Variants in PEX1 observed in about 807,000 individuals in gnomAD.
The protein encoded by PEX1 is peroxisomal ATPase PEX1.
PEX1 carries 97 observed loss-of-function variants against 152.5 expected under a neutral mutation model. The ratio of observed to expected loss-of-function variants is 0.64; its 90% CI spans 0.54 to 0.75. PEX1 has a LOEUF of 0.75. PEX1 is among the 30% of genes least tolerant of loss of function. PEX1 has a pLI of 0.00. For missense variants in PEX1, 1,357 were observed against 1,516.3 expected, an observed-to-expected ratio of 0.89 and a Z score of 1.74; for synonymous variants, 485 against 531.6, an observed-to-expected ratio of 0.91 and a Z score of 1.21.
intron 6 of PEX1, among the ~76,000 whole-genome samples, chr7:92,512,049 T>C (rs1792494909): frequency 6.6e-6 from 1 of 152,380 alleles, no homozygotes; most frequent in East Asian, 1.9e-4. Flanking sequence ...TCCTTTTTCT[T>C]TGAGACAGAA....
intron 2 of PEX1, among the ~76,000 whole-genome samples, chr7:92,521,507 T>C (rs904064940): frequency 6.6e-6 from 1 of 152,284 alleles, no homozygotes; most frequent in East Asian, 1.9e-4. Flanking sequence ...CAATCTCAGC[T>C]CACTGCAACC....
chr7:92,506,404 T>A, intron 10 of PEX1, 60 bp from the exon 11 acceptor site: 3 of 1,062,606 alleles, frequency 2.8e-6, no homozygotes, highest in Non-Finnish European at 4.4e-6. Flanking sequence ...ATAGTTCCTG[T>A]CATTGTGGCA....
At chr7:92,521,884 ATAG>A (rs1196014763) in intron 2 of PEX1, among the ~76,000 whole-genome samples, 1 of 152,224 alleles carries the variant, frequency 6.6e-6, no homozygotes, top group Non-Finnish European at 1.5e-5. Flanking sequence ...AATGAGTTAA[ATAG>A]TAGAATAAGA....
Position 92,489,437 on chromosome 7 carries a change from A to G in PEX1, c.3637-14T>C, listed in dbSNP as rs745612436. ...GGATTCGTCCTCCTTAAGTAAAAAA[A>G]GAAATTGACGAAGAGTTAAATTAAG... On this transcript the variant is annotated splice_polypyrimidine_tract_variant and intron_variant, in intron 22 of 23. Transcript: ENST00000248633. 7.5e-5 allele frequency: 121 copies of G among 1,610,374 alleles called. No individual in the cohort carries two copies. Among genetic ancestry groups the G allele is most frequent in the South Asian group, 2.5e-4 (23 of 90,806 alleles).
rs1792868421 is a variant in PEX1 at position 92,517,799 on chromosome 7, G to A, written c.716C>T (p.Ser239Leu). ...AGTCCATAAACTTGCTACTGATGATGAGTCAACTGGAATCTCTGACTCGTT... is the reference window on the plus strand; with the variant it reads ...AGTCCATAAACTTGCTACTGATGATAAGTCAACTGGAATCTCTGACTCGTT... ...NENESEIPVDSSSVASLWTMI... is the reference protein window; with the variant it reads ...NENESEIPVDLSSVASLWTMI... The change falls in exon 5 of 24, where the codon TCA becomes TTA. Residue 239 changes from serine (S) to leucine (L), a missense_variant. Transcript: ENST00000248633. 6.4e-7 allele frequency: 1 copy of A among 1,558,374 alleles called. No homozygotes were observed. The highest frequency in any genetic ancestry group is 8.6e-7 in the Non-Finnish European group (1 of 1,156,660).
In PEX1 at chr7:92,526,654, A is replaced by T. The variant is rs184574411; in HGVS notation, c.129+1653T>A. Among the ~76,000 whole-genome samples, 7 of 152,382 alleles carry T rather than the reference A, an allele frequency of 4.6e-5. No individual in the cohort carries two copies. The East Asian group carries it at 1.2e-3, about 25-fold the overall frequency. On this transcript the variant is annotated intron_variant, in intron 1 of 23. Coordinates refer to ENST00000248633, the MANE Select transcript of PEX1 (RefSeq NM_000466.3). Reference sequence around the variant, plus strand: ...ATGGTCAATCATAGTAAACAATTAAATAAATTATGGCAAATTTGTGCTAGA... The same window carrying T: ...ATGGTCAATCATAGTAAACAATTAATTAAATTATGGCAAATTTGTGCTAGA...
chr7:92,520,284 G>A (rs937237030), intron 2 of PEX1, among the ~76,000 whole-genome samples: 1 of 152,154 alleles, frequency 6.6e-6, no homozygotes, highest in Non-Finnish European at 1.5e-5. Flanking sequence ...TCCTTGTATT[G>A]TAGAACAAAG....
intron 11 of PEX1, 104 bp from the exon 12 acceptor site, chr7:92,505,006 T>C: frequency 1.2e-6 from 1 of 830,630 alleles, no homozygotes; most frequent in Non-Finnish European, 2.0e-6. Context: ...GATTTAACTA[T>C]AAAAATTTGA....
chr7:92,508,551 G>A (rs1400302599), intron 9 of PEX1, among the ~76,000 whole-genome samples: 3 of 151,130 alleles, frequency 2.0e-5, no homozygotes, highest in South Asian at 2.1e-4. Context: ...AAAAAAAAAA[G>A]AGATTTTATT....
Position 92,494,362 on chromosome 7 carries a change from G to A in PEX1, c.2961C>T (p.Asp987=), listed in dbSNP as rs750723164. Reference sequence around the variant, plus strand: ...GCCTAAGCAGGGCAGGGTCAATCAAGTCAGGGCGACTAGTAGCAGCCAATA... The same window carrying A: ...GCCTAAGCAGGGCAGGGTCAATCAAATCAGGGCGACTAGTAGCAGCCAATA... The part of the protein sequence containing the change: ...VYVLAATSRP[D]LIDPALLRPG... Residue 987 remains aspartate, a synonymous_variant, in exon 19 of 24, where the codon GAC becomes GAT. Transcript: ENST00000248633. 6 of 1,614,000 alleles carry A rather than the reference G, an allele frequency of 3.7e-6. No individual in the cohort carries two copies. In the South Asian group the frequency reaches 5.5e-5, roughly 15 times the overall value.
chr7:92,510,412 G>A (rs1292073532), intron 8 of PEX1, among the ~76,000 whole-genome samples: 1 of 151,726 alleles, frequency 6.6e-6, no homozygotes, highest in East Asian at 1.9e-4. Context: ...GCTGCAGTGA[G>A]CCATGATCAT....
chr7:92,515,227 A>G (rs898262057), intron 5 of PEX1, among the ~76,000 whole-genome samples: 8 of 151,964 alleles, frequency 5.3e-5, no homozygotes, highest in African/African-American at 1.9e-4. Context: ...GCAGGTGCAG[A>G]CATATTAATG....
chr7:92,503,537 T>A (rs1367251692), intron 12 of PEX1, among the ~76,000 whole-genome samples: 1 of 152,224 alleles, frequency 6.6e-6, no homozygotes. Context: ...GTGATAAATT[T>A]CCATACTGTA....
intron 17 of PEX1, among the ~76,000 whole-genome samples, chr7:92,495,503 C>T (rs6954806): frequency 0.93 from 141,601 of 152,222 alleles, 65,961 homozygotes; most frequent in African/African-American, 0.98. Context: ...TACTAAGTTA[C>T]AGGACTACTC....
intron 23 of PEX1, among the ~76,000 whole-genome samples, 163 bp from the exon 24 acceptor site, chr7:92,487,704 T>C (rs966869703): frequency 6.6e-6 from 1 of 151,768 alleles, no homozygotes; most frequent in African/African-American, 2.4e-5. Flanking sequence ...TTCTTACAAA[T>C]AAAGTTGCAC....
intron 9 of PEX1, among the ~76,000 whole-genome samples, chr7:92,508,197 T>G (rs913533619): frequency 6.6e-6 from 1 of 152,202 alleles, no homozygotes; most frequent in Non-Finnish European, 1.5e-5. Flanking sequence ...ACATGAACTT[T>G]AAACTACTTC....
intron 20 of PEX1, 32 bp from the exon 21 acceptor site, chr7:92,491,534 G>C: frequency 1.5e-6 from 2 of 1,297,554 alleles, no homozygotes; most frequent in Middle Eastern, 3.7e-4. Context: ...CCAGTTTAAA[G>C]ATGTAAACAA....
At position 92,504,791 on chromosome 7, in the gene PEX1, G is replaced by A; in HGVS notation, c.2012C>T (p.Pro671Leu). The A allele has an allele frequency of 6.2e-7, 1 of 1,614,184 alleles. No individual in the cohort carries two copies. The highest frequency in any genetic ancestry group is 8.5e-7 in the Non-Finnish European group (1 of 1,180,014). Residue 671 changes from proline (P) to leucine (L), a missense_variant, in exon 12 of 24, where the codon CCT becomes CTT. Physicochemically the swap from Pro to Leu is moderately conservative, Grantham distance 98. Transcript: ENST00000248633. ...ACTGTGCTCATGTTCCGGGACAGCA[G>A]GCAGTCCAGCAATGAGGTCAAGGTC... is the stretch of plus-strand genomic sequence containing the variant. The part of the protein sequence containing the change: ...LDDLDLIAGL[P>L]AVPEHEHSPD...
intron 21 of PEX1, 38 bp from the exon 22 acceptor site, chr7:92,489,949 GA>G: frequency 8.7e-6 from 13 of 1,499,486 alleles, no homozygotes; most frequent in Non-Finnish European, 1.2e-5. Flanking sequence ...ATGGAAGGAA[GA>G]GGGGGAGAGA....
Sources: allele counts gnomAD v4.1 joint callset (sites outside exome capture counted in the v4.1 genomes callset), GRCh38; gene constraint gnomAD v4.1.1; transcripts MANE v1.5; gene names NCBI Gene and HGNC (gene_info 2026-07-23, HGNC 2026-07-21).